The following HMCN1 variants were observed in gnomAD, a reference collection of about 807,000 sequenced individuals.
HMCN1 encodes hemicentin 1.
Under a neutral mutation model 625.9 loss-of-function variants are expected in HMCN1, and 321 were observed. That is an observed-to-expected ratio of 0.51 (90% confidence interval 0.47 to 0.56). HMCN1 has a LOEUF of 0.56. Ranked by LOEUF, HMCN1 falls within the 20% of genes least tolerant of loss-of-function variation. The pLI is 0.00. For missense variants in HMCN1, 6,588 were observed against 6,887.3 expected (o/e 0.96, Z 1.54); for synonymous variants, 2,425 against 2,417.6 (o/e 1.00, Z -0.09).
intron 36 of HMCN1, among the ~76,000 whole-genome samples, chr1:186,032,765 A>T (rs1655547576): frequency 7.0e-6 from 1 of 143,828 alleles, no homozygotes; most frequent in South Asian, 2.2e-4. Context: ...AAAGAAAAAA[A>T]AAGATGTGGT....
At chr1:185,932,373 T>C (rs923462984) in intron 10 of HMCN1, among the ~76,000 whole-genome samples, 2 of 152,190 alleles carry the variant, frequency 1.3e-5, no homozygotes, top group African/African-American at 4.8e-5. Flanking sequence ...CTTATGATAT[T>C]AATCTGCACT....
At chr1:186,031,686 T>C (rs962293051) in intron 36 of HMCN1, among the ~76,000 whole-genome samples, 1 of 152,104 alleles carries the variant, frequency 6.6e-6, no homozygotes, top group Non-Finnish European at 1.5e-5. Flanking sequence ...CTATTCACTT[T>C]CTTTATTCTT....
At chr1:185,977,590 T>C (rs952593529) in intron 15 of HMCN1, among the ~76,000 whole-genome samples, 197 bp from the exon 16 acceptor site, 1 of 152,180 alleles carries the variant, frequency 6.6e-6, no homozygotes, top group Non-Finnish European at 1.5e-5. Context: ...GGCTTCTAAG[T>C]GTCTCTCTTC....
intron 1 of HMCN1, among the ~76,000 whole-genome samples, chr1:185,797,093 T>C (rs999928796): frequency 6.6e-6 from 1 of 152,212 alleles, no homozygotes; most frequent in African/African-American, 2.4e-5. Flanking sequence ...TCTCTGATGA[T>C]TGGTGATGTT....
intron 42 of HMCN1, among the ~76,000 whole-genome samples, chr1:186,049,574 A>C (rs574364663): frequency 1.1e-4 from 17 of 152,212 alleles, no homozygotes; most frequent in African/African-American, 3.8e-4. Context: ...TATCAGCTAA[A>C]AAGCATTCCT....
chr1:186,020,083 G>C (rs1571727029), intron 35 of HMCN1, among the ~76,000 whole-genome samples: 1 of 151,848 alleles, frequency 6.6e-6, no homozygotes, highest in Non-Finnish European at 1.5e-5. Context: ...CATAAGTCTT[G>C]AAAAATATTT....
chr1:185,900,656 A>G (rs1240655627), intron 4 of HMCN1, among the ~76,000 whole-genome samples: 1 of 151,926 alleles, frequency 6.6e-6, no homozygotes, highest in Non-Finnish European at 1.5e-5. Context: ...TATCCAATGC[A>G]CTATTATATG....
At chr1:186,011,033 G>GT (rs1178608131) in intron 30 of HMCN1, among the ~76,000 whole-genome samples, 381 of 936 alleles carry the variant, frequency 0.41, 4 homozygotes, top group Non-Finnish European at 0.4. Context: ...ATCTGCTACT[G>GT]GTTTTTTTTG....
In HMCN1 at chr1:186,052,957, C is replaced by T. The variant is rs1476907390; in HGVS notation, c.6583C>T (p.Pro2195Ser). 3 of 1,603,064 alleles carry T rather than the reference C, an allele frequency of 1.9e-6. No homozygotes were observed. The highest frequency in any genetic ancestry group is 2.2e-5 in the East Asian group (1 of 44,628). The change falls in exon 43 of 107, where the codon CCA becomes TCA. Residue 2195 changes from proline (P) to serine (S), a missense_variant. Pro to Ser is a moderately conservative substitution (Grantham distance 74). Coordinates refer to ENST00000271588, the MANE Select transcript of HMCN1 (RefSeq NM_031935.3). ...ATATTTTTATTTTTTTCTAGTCCCC[C>T]CAAATATTGGTGGTTCTGATGAACT... The part of the protein sequence containing the change: ...KNYNVNIWVP[P>S]NIGGSDELTQ...
chr1:185,791,986 T>A (rs1396241754), intron 1 of HMCN1, among the ~76,000 whole-genome samples: 1 of 152,140 alleles, frequency 6.6e-6, no homozygotes, highest in Non-Finnish European at 1.5e-5. Context: ...TAATTAACAT[T>A]CATCAAATGC....
chr1:185,981,667 T>A (rs1287408299), intron 17 of HMCN1, among the ~76,000 whole-genome samples: 1 of 152,178 alleles, frequency 6.6e-6, no homozygotes, highest in Non-Finnish European at 1.5e-5. Context: ...TTACACAGTT[T>A]TTAAAATATG....
At position 185,925,027 on chromosome 1, in the gene HMCN1, G is replaced by A. The variant is rs750544971; in HGVS notation, c.1286-20G>A. On this transcript the variant is annotated intron_variant, in intron 8 of 106. Transcript: ENST00000271588. ...CTTCTTGCTTAAGTTTTTTGTTTTT[G>A]TTTTTGTTTTTTTTCCTAGATGCTC... 9 of 1,581,596 alleles carry A rather than the reference G, an allele frequency of 5.7e-6. No homozygotes were observed. Among genetic ancestry groups the A allele is most frequent in the Non-Finnish European group, 7.7e-6 (9 of 1,162,288 alleles).
chr1:186,175,990 G>A (rs1652552495), intron 103 of HMCN1, among the ~76,000 whole-genome samples: 1 of 151,630 alleles, frequency 6.6e-6, no homozygotes, highest in Non-Finnish European at 1.5e-5. Flanking sequence ...TACTAAAATA[G>A]TTTTTAAAGC....
At chr1:185,742,172 G>C (rs1230078782) in intron 1 of HMCN1, among the ~76,000 whole-genome samples, 1 of 152,058 alleles carries the variant, frequency 6.6e-6, no homozygotes, top group Non-Finnish European at 1.5e-5. Context: ...TCGACCGTCT[G>C]TTTCTCCATC....
At position 185,984,309 on chromosome 1, in the gene HMCN1, G is replaced by A. The variant is rs1208846347; in HGVS notation, c.2931G>A (p.Val977=). ...GTNNKTTSVV[V]HVLPTIQHGQ... ...ATAACAAAACTACCTCTGTGGTTGT[G>A]CATGGTAAGAGACACACCCAATGTT... The change falls in exon 19 of 107, where the codon GTG becomes GTA. Residue 977 remains valine (V), a synonymous_variant. Transcript: ENST00000271588. 6.2e-7 allele frequency: 1 copy of A among 1,613,906 alleles called. No individual in the cohort carries two copies. Among genetic ancestry groups the A allele is most frequent in the African/African-American group, 1.3e-5 (1 of 74,998 alleles).
intron 11 of HMCN1, among the ~76,000 whole-genome samples, chr1:185,941,571 A>G (rs879251742): frequency 6.6e-6 from 1 of 152,220 alleles, no homozygotes; most frequent in Admixed American, 6.5e-5. Context: ...GCAAAATTTC[A>G]ATTGATAACT....
At position 185,980,463 on chromosome 1, in the gene HMCN1, G is replaced by A. The variant is rs1370912228; in HGVS notation, c.2567-515G>A. On this transcript the variant is annotated intron_variant, in intron 16 of 106. Transcript: ENST00000271588. ...CAGTGGGAGCTTCAAAGTCGTGCTG[G>A]ACTTGGGATAATTGTTTCTTTGCGA... Among the ~76,000 whole-genome samples the A allele has an allele frequency of 3.9e-5, 6 of 152,194 alleles. No homozygotes were observed. The South Asian group carries it at 8.3e-4, about 21-fold the overall frequency.
At chr1:185,803,188 CAAAA>C (rs1245942461) in intron 1 of HMCN1, among the ~76,000 whole-genome samples, 2 of 33,812 alleles carry the variant, frequency 5.9e-5, no homozygotes, top group Non-Finnish European at 2.1e-4. Context: ...TTAGCAGAAC[CAAAA>C]AAAAAAAAAA....
chr1:185,916,254 A>G (rs913550672), intron 6 of HMCN1, among the ~76,000 whole-genome samples: 8 of 152,182 alleles, frequency 5.3e-5, no homozygotes, highest in Non-Finnish European at 1.0e-4. Context: ...GAAACCATCT[A>G]TTCTTTAATT....
Sources: gnomAD v4.1 joint callset for allele counts (sites outside exome capture counted in the v4.1 genomes callset) on GRCh38, gnomAD v4.1.1 for gene constraint, MANE v1.5 for transcripts, NCBI Gene and HGNC (gene_info 2026-07-23, HGNC 2026-07-21) for gene names.